Variants in CNGB3 observed in about 807,000 individuals in gnomAD.
CNGB3 encodes the protein cyclic nucleotide-gated channel beta-3.
Under a neutral mutation model 92.8 loss-of-function variants are expected in CNGB3, and 86 were observed. The observed-to-expected ratio is 0.93, with a 90% CI of 0.78 to 1.11. The LOEUF (loss-of-function observed/expected upper bound fraction) is 1.11, where lower values mean the gene tolerates loss of function less well. Among genes scored for constraint, CNGB3 ranks in the 50% least tolerant of loss-of-function variants. The probability of loss-of-function intolerance (pLI) is 0.00; values close to 1 mark genes in which losing one functional copy is unlikely to be tolerated. For synonymous variants in CNGB3, 333 were observed against 332.7 expected (o/e 1.00, Z -0.01); for missense variants, 1,026 against 956.8 (o/e 1.07, Z -0.95).
intron 15 of CNGB3, chr8:86,593,843 T>A: frequency 1.1e-6 from 1 of 915,476 alleles, no homozygotes. Context: ...GTTGGTCAAA[T>A]TGAACTCCTG....
chr8:86,730,431 G>T (rs1449701803), intron 2 of CNGB3, among the ~76,000 whole-genome samples: 1 of 152,166 alleles, frequency 6.6e-6, no homozygotes, highest in Non-Finnish European at 1.5e-5. Flanking sequence ...TCTTTGGTGT[G>T]GGGGATGGTA....
At chr8:86,670,921 T>G (rs375223952) in intron 4 of CNGB3, 23 bp downstream of exon 4, 9 of 1,611,930 alleles carry the variant, frequency 5.6e-6, no homozygotes, top group Non-Finnish European at 5.1e-6. Flanking sequence ...TTCTTCCCAG[T>G]ACTTGGAGGG....
intron 3 of CNGB3, among the ~76,000 whole-genome samples, chr8:86,716,066 C>A (rs1183782042): frequency 6.6e-6 from 1 of 151,974 alleles, no homozygotes; most frequent in Non-Finnish European, 1.5e-5. Context: ...CAAGGACACA[C>A]TTAGAGAAAA....
intron 17 of CNGB3, 118 bp from the exon 18 acceptor site, chr8:86,576,248 G>T: frequency 9.5e-7 from 1 of 1,053,554 alleles, no homozygotes; most frequent in Non-Finnish European, 1.4e-6. Context: ...TGAATTAAGT[G>T]AATCCAGGAA....
At chr8:86,611,879 T>C in intron 13 of CNGB3, among the ~76,000 whole-genome samples, 1 of 152,148 alleles carries the variant, frequency 6.6e-6, no homozygotes, top group East Asian at 1.9e-4. Flanking sequence ...CTTGCTCAGA[T>C]AGACTTGGGT....
intron 2 of CNGB3, among the ~76,000 whole-genome samples, chr8:86,733,267 A>G (rs1039781430): frequency 6.6e-6 from 1 of 152,290 alleles, no homozygotes; most frequent in Non-Finnish European, 1.5e-5. Flanking sequence ...TGCAAAGGAC[A>G]TGATTTCATT....
At chr8:86,668,598 C>A (rs781089617) in intron 4 of CNGB3, among the ~76,000 whole-genome samples, 1 of 151,044 alleles carries the variant, frequency 6.6e-6, no homozygotes, top group South Asian at 2.1e-4. Flanking sequence ...ACATTTATTT[C>A]ACTGTGTGTG....
chr8:86,730,113 C>T (rs146154084), intron 2 of CNGB3, among the ~76,000 whole-genome samples: 24 of 152,310 alleles, frequency 1.6e-4, no homozygotes, highest in Admixed American at 1.1e-3. Context: ...CCATCCTGAG[C>T]CTGGCAGCGT....
At chr8:86,712,755 ATTTT>A (rs10586111) in intron 3 of CNGB3, among the ~76,000 whole-genome samples, 100 of 134,538 alleles carry the variant, frequency 7.4e-4, no homozygotes, top group Middle Eastern at 3.8e-3. Flanking sequence ...TCCTGGCTTA[ATTTT>A]TTTTTTTTTT....
chr8:86,627,231 G>A (rs1283578229), intron 12 of CNGB3, among the ~76,000 whole-genome samples: 3 of 151,898 alleles, frequency 2.0e-5, no homozygotes, highest in Non-Finnish European at 4.4e-5. Context: ...TTGTTTCCGA[G>A]GGCTGTCTCT....
intron 6 of CNGB3, among the ~76,000 whole-genome samples, chr8:86,655,278 G>T (rs1209070242): frequency 6.6e-6 from 1 of 152,072 alleles, no homozygotes; most frequent in East Asian, 1.9e-4. Context: ...CTCTAAATCA[G>T]ATCACTTAAA....
Position 86,604,144 on chromosome 8 carries a change from C to T in CNGB3, c.1730G>A (p.Gly577Asp). ...TTTCAGAGTAACCAGAACTTTAGTACCATCAGGGCCTCCAAGAACTTGGAC... is the reference window on the plus strand; with the variant it reads ...TTTCAGAGTAACCAGAACTTTAGTATCATCAGGGCCTCCAAGAACTTGGAC... ...GEVQVLGGPDGTKVLVTLKAG... is the reference protein window; with the variant it reads ...GEVQVLGGPDDTKVLVTLKAG... The change falls in exon 15 of 18, where the codon GGT becomes GAT. Residue 577 changes from glycine (G) to aspartate (D), a missense_variant. By Grantham distance (94) the Gly-to-Asp change is moderately conservative. Transcript: ENST00000320005. The T allele has an allele frequency of 6.2e-7, 1 of 1,613,666 alleles. No individual in the cohort carries two copies. The highest frequency in any genetic ancestry group is 8.5e-7 in the Non-Finnish European group (1 of 1,179,660).
intron 3 of CNGB3, among the ~76,000 whole-genome samples, chr8:86,679,529 T>C (rs1043732013): frequency 3.5e-5 from 3 of 86,044 alleles, no homozygotes; most frequent in Non-Finnish European, 9.0e-5. Context: ...TTTCTTTTTC[T>C]TTTTCTTTTT....
At chr8:86,586,105 A>G (rs1422802108) in intron 15 of CNGB3, among the ~76,000 whole-genome samples, 2 of 152,182 alleles carry the variant, frequency 1.3e-5, no homozygotes, top group African/African-American at 2.4e-5. Flanking sequence ...AATTCACTGT[A>G]TAAATGGAAA....
intron 6 of CNGB3, among the ~76,000 whole-genome samples, chr8:86,666,722 C>A (rs1823745352): frequency 6.6e-6 from 1 of 152,090 alleles, no homozygotes; most frequent in African/African-American, 2.4e-5. Context: ...AACTAAGGTA[C>A]AGGGAGATGC....
At chr8:86,667,173 A>G in intron 5 of CNGB3, 40 bp from the exon 6 acceptor site, 1 of 1,548,984 alleles carries the variant, frequency 6.5e-7, no homozygotes, top group Non-Finnish European at 8.9e-7. Flanking sequence ...ATGACATAGA[A>G]CAAACACAGA....
chr8:86,642,800 C>G (rs1176260871), intron 10 of CNGB3, among the ~76,000 whole-genome samples: 1 of 151,446 alleles, frequency 6.6e-6, no homozygotes, highest in Non-Finnish European at 1.5e-5. Context: ...TTCAAGTGAT[C>G]TTTTTTTATT....
chr8:86,665,749 G>A (rs1823729576), intron 6 of CNGB3, among the ~76,000 whole-genome samples: 1 of 152,140 alleles, frequency 6.6e-6, no homozygotes, highest in Non-Finnish European at 1.5e-5. Flanking sequence ...GAGGGAGGAG[G>A]AATGCAGGGA....
chr8:86,597,325 C>T (rs1334068727), intron 15 of CNGB3, among the ~76,000 whole-genome samples: 1 of 152,134 alleles, frequency 6.6e-6, no homozygotes, highest in Non-Finnish European at 1.5e-5. Flanking sequence ...TTCCTGCCCT[C>T]CCGGTTCCTC....
Sources: allele counts gnomAD v4.1 joint callset (sites outside exome capture counted in the v4.1 genomes callset), GRCh38; gene constraint gnomAD v4.1.1; transcripts MANE v1.5; gene names NCBI Gene and HGNC (gene_info 2026-07-23, HGNC 2026-07-21).